The following FAM83A variants were observed in gnomAD, a reference collection of about 807,000 sequenced individuals.
The protein encoded by FAM83A is scaffolding CK1 anchoring protein A.
Under a neutral mutation model 24.4 loss-of-function variants are expected in FAM83A, and 21 were observed. The ratio of observed to expected loss-of-function variants is 0.86; its 90% CI spans 0.61 to 1.24. FAM83A has a LOEUF of 1.24. FAM83A is among the 50% of genes most tolerant of loss of function. FAM83A has a pLI of 0.00. For missense variants in FAM83A, 617 were observed against 579.8 expected (o/e 1.06, Z -0.66); for synonymous variants, 270 against 252.4 (o/e 1.07, Z -0.66).
At chr8:123,181,901 A>G, upstream of FAM83A, 3 of 376,840 alleles carry the variant, frequency 8.0e-6, no homozygotes, top group Non-Finnish European at 1.6e-5. Context: ...AGCCCACCCA[A>G]AGAGAGTCAG....
At chr8:123,203,586 CA>C (rs1187426797) in intron 3 of FAM83A, among the ~76,000 whole-genome samples, 1,526 of 41,146 alleles carry the variant, frequency 0.037, 6 homozygotes, top group African/African-American at 0.059. Context: ...AGATCTGTCT[CA>C]AAAAAAAAAA....
exon 2 of FAM83A, chr8:123,191,833 G>T: frequency 6.2e-7 from 1 of 1,614,118 alleles, no homozygotes; most frequent in Non-Finnish European, 8.5e-7. Context: ...TGTGTTCACG[G>T]ATGTGGAGAT....
At chr8:123,183,116 G>A in exon 1 of FAM83A, 1 of 1,613,960 alleles carries the variant, frequency 6.2e-7, no homozygotes, top group Non-Finnish European at 8.5e-7. Context: ...ACCCTGGGAG[G>A]GGCGGAAGCA....
Position 123,209,399 on chromosome 8 carries a change from C to A in FAM83A, c.*1711C>A. ...TATTATTATTATTAATTATTGTATT[C>A]CTGTCCTTCACTTTTTTCCTCCTTA... On this transcript the variant is annotated 3_prime_UTR_variant, in exon 4 of 4. Coordinates refer to ENST00000690554, the Ensembl canonical transcript of FAM83A. This position sits in a 1 kb window ranked among gnomAD's most constrained non-coding sequence, Gnocchi z 4.7. 2 of 1,607,260 alleles carry A rather than the reference C, an allele frequency of 1.2e-6. No individual in the cohort carries two copies. The highest frequency in any genetic ancestry group is 1.7e-6 in the Non-Finnish European group (2 of 1,175,316).
At chr8:123,188,520 G>C (rs965018784) in intron 1 of FAM83A, among the ~76,000 whole-genome samples, 1 of 145,480 alleles carries the variant, frequency 6.9e-6, no homozygotes, top group African/African-American at 2.6e-5. Flanking sequence ...GTCTTGCTCT[G>C]TCACCCAGGC....
chr8:123,183,033 G>T, exon 1 of FAM83A: 1 of 1,610,618 alleles, frequency 6.2e-7, no homozygotes, highest in Non-Finnish European at 8.5e-7. Context: ...AGGAAGGCGA[G>T]GTGGACTTCT....
rs139320109 is a variant in FAM83A at position 123,182,767 on chromosome 8, C to T, written c.-90C>T. On this transcript the variant is annotated 5_prime_UTR_variant, in exon 1 of 4. Transcript: ENST00000690554. ...GGCGGCCTCCCGGGGGTGCGGGAGCCCCACTCCTCCGTGGTGTGTTCCATT... is the reference window on the plus strand; with the variant it reads ...GGCGGCCTCCCGGGGGTGCGGGAGCTCCACTCCTCCGTGGTGTGTTCCATT... 8.9e-4 allele frequency: 1,323 copies of T among 1,491,356 alleles called. 7 individuals are homozygous for T. In the African/African-American group the frequency reaches 0.017, roughly 19 times the overall value. The allele number at this position is 1,491,356 out of a possible 1,614,324, so 92.4% of individuals were successfully genotyped here.
intron 1 of FAM83A, among the ~76,000 whole-genome samples, chr8:123,189,122 C>T (rs953655859): frequency 4.6e-5 from 7 of 152,224 alleles, no homozygotes; most frequent in African/African-American, 1.4e-4. Flanking sequence ...ACAGGGAAAG[C>T]CTAAGCTGCT....
chr8:123,190,726 C>T (rs1377884163), intron 1 of FAM83A, among the ~76,000 whole-genome samples: 1 of 152,104 alleles, frequency 6.6e-6, no homozygotes, highest in African/African-American at 2.4e-5. Context: ...TCAAGGGTGG[C>T]ACTGGTCTCA....
exon 4 of FAM83A, chr8:123,207,395 C>G: frequency 6.2e-7 from 1 of 1,611,216 alleles, no homozygotes; most frequent in South Asian, 1.1e-5. Context: ...CTTCAGCGGC[C>G]GCTCGGCAGG....
At chr8:123,193,888 C>T in intron 2 of FAM83A, 136 bp from the exon 3 acceptor site, 1 of 1,100,758 alleles carries the variant, frequency 9.1e-7, no homozygotes. Context: ...AAGGCCCCAC[C>T]TTCTAGTACC....
chr8:123,207,446 C>A, exon 4 of FAM83A: 1 of 1,601,412 alleles, frequency 6.2e-7, no homozygotes, highest in Non-Finnish European at 8.5e-7. Context: ...GTCTTCAGGG[C>A]CCTGTAGCCC....
At chr8:123,199,091 T>G (rs1824260620) in intron 3 of FAM83A, among the ~76,000 whole-genome samples, 1 of 152,182 alleles carries the variant, frequency 6.6e-6, no homozygotes, top group South Asian at 2.1e-4. Flanking sequence ...TGGGCCTGTT[T>G]CCTCATCAGA....
chr8:123,183,648 TTTTTTTTTC>T (rs776772091), intron 1 of FAM83A, among the ~76,000 whole-genome samples: 107 of 151,162 alleles, frequency 7.1e-4, no homozygotes, highest in African/African-American at 1.0e-3. Context: ...CCTCTCTTTC[TTTTTTTTTC>T]TTTTTTTTCT....
At chr8:123,188,629 G>A (rs192702351) in intron 1 of FAM83A, among the ~76,000 whole-genome samples, 7 of 152,086 alleles carry the variant, frequency 4.6e-5, no homozygotes, top group East Asian at 1.9e-4. Flanking sequence ...GATTACAGGC[G>A]TGCGCCACCA....
exon 3 of FAM83A, chr8:123,194,037 G>A (rs562444243): frequency 2.2e-5 from 36 of 1,614,186 alleles, no homozygotes; most frequent in Admixed American, 1.3e-4. Context: ...ATTTCCATCC[G>A]GAGTGTGGAA....
rs1232698251 is a variant in FAM83A at position 123,209,214 on chromosome 8, G to A, written c.*1526G>A. The A allele has an allele frequency of 1.7e-6, 2 of 1,195,096 alleles. No individual in the cohort carries two copies. Among genetic ancestry groups the A allele is most frequent in the Non-Finnish European group, 2.1e-6 (2 of 968,366 alleles). The allele number at this position is 1,195,096 out of a possible 1,614,324, so 74.0% of individuals were successfully genotyped here. The stretch of plus-strand genomic sequence containing the variant: ...GGCGGGGAAGCTCAGCCTTCGCTGT[G>A]GAGGGACGAGAGCACAGAGCTCTTC... On this transcript the variant is annotated 3_prime_UTR_variant, in exon 4 of 4. Coordinates refer to ENST00000690554, the Ensembl canonical transcript of FAM83A. The surrounding 1 kb of genome is among the most constrained non-coding windows in gnomAD (Gnocchi z 4.7).
intron 3 of FAM83A, among the ~76,000 whole-genome samples, chr8:123,203,586 C>CAAA (rs1187426797): frequency 0.018 from 727 of 41,114 alleles, 41 homozygotes; most frequent in African/African-American, 0.05. Flanking sequence ...AGATCTGTCT[C>CAAA]AAAAAAAAAA....
At chr8:123,206,004 G>T (rs188873720) in intron 3 of FAM83A, among the ~76,000 whole-genome samples, 1 of 151,928 alleles carries the variant, frequency 6.6e-6, no homozygotes, top group Non-Finnish European at 1.5e-5. Context: ...TTAGCTGGGC[G>T]TGGTGGCGGG....
Sources: allele counts gnomAD v4.1 joint callset (sites outside exome capture counted in the v4.1 genomes callset), GRCh38; gene constraint gnomAD v4.1.1; non-coding constraint Gnocchi (gnomAD v3.1); transcripts MANE v1.5; gene names NCBI Gene and HGNC (gene_info 2026-07-23, HGNC 2026-07-21).